ARFGEF3: variants seen among roughly 807,000 people sequenced by gnomAD.
ARFGEF3 encodes ARFGEF family member 3.
A neutral mutation model predicts 221.7 loss-of-function variants in ARFGEF3; 96 were observed. That is an observed-to-expected ratio of 0.43 (90% CI 0.37 to 0.51). The LOEUF is 0.51. ARFGEF3 is among the 20% of genes least tolerant of loss of function. ARFGEF3 has a pLI of 0.00. For synonymous variants in ARFGEF3, 1,145 were observed against 1,126.8 expected, an observed-to-expected ratio of 1.02 and a Z score of -0.32; for missense variants, 2,410 against 2,789.9, an observed-to-expected ratio of 0.86 and a Z score of 3.07.
intron 17 of ARFGEF3, among the ~76,000 whole-genome samples, chr6:138,288,672 G>A (rs187546699): frequency 2.0e-5 from 3 of 152,178 alleles, no homozygotes; most frequent in African/African-American, 7.2e-5. Context: ...GTAACAGAGT[G>A]AGACACCATC....
chr6:138,222,552 A>T (rs1276932294), intron 4 of ARFGEF3, among the ~76,000 whole-genome samples: 1 of 152,152 alleles, frequency 6.6e-6, no homozygotes, highest in African/African-American at 2.4e-5. Flanking sequence ...GGGTATTGCC[A>T]CTGCCATCTA....
At position 138,334,102 on chromosome 6, in the gene ARFGEF3, A is replaced by C. The variant is rs374961250; in HGVS notation, c.5256A>C (p.Glu1752Asp). 1 of 1,613,996 alleles carries C rather than the reference A, an allele frequency of 6.2e-7. No individual in the cohort carries two copies. Residue 1752 changes from glutamate to aspartate, a missense_variant, in exon 33 of 34, where the codon GAA becomes GAC. By Grantham distance (45) the Glu-to-Asp change is conservative. Coordinates refer to ENST00000251691, the MANE Select transcript of ARFGEF3 (RefSeq NM_020340.5). This position sits in a 1 kb window ranked among gnomAD's most constrained non-coding sequence, Gnocchi z 5.1. ...PGEEKTIQVP[E>D]AKLAGFLRYI... ...AGGAAAAGACGATACAAGTGCCAGA[A>C]GCCAAGCTGGCTGGCTTCCTCAGAT...
intron 22 of ARFGEF3, among the ~76,000 whole-genome samples, chr6:138,300,850 A>G (rs1243066939): frequency 6.6e-6 from 1 of 152,188 alleles, no homozygotes; most frequent in Non-Finnish European, 1.5e-5. Flanking sequence ...ACTTCAAATA[A>G]TCCCAATCCC....
At chr6:138,212,944 T>A (rs1203330479) in intron 4 of ARFGEF3, among the ~76,000 whole-genome samples, 1 of 152,068 alleles carries the variant, frequency 6.6e-6, no homozygotes, top group Non-Finnish European at 1.5e-5. Context: ...CAAACCAACA[T>A]GGCACATGTA....
At chr6:138,268,993 C>T (rs1778946229) in intron 12 of ARFGEF3, among the ~76,000 whole-genome samples, 2 of 152,236 alleles carry the variant, frequency 1.3e-5, no homozygotes, top group African/African-American at 4.8e-5. Flanking sequence ...CTTTATTTCT[C>T]ATCCCAGGGT....
chr6:138,289,678 A>G (rs1779363430), intron 17 of ARFGEF3, 140 bp from the exon 18 acceptor site: 3 of 846,112 alleles, frequency 3.5e-6, no homozygotes, highest in Non-Finnish European at 5.6e-6. Context: ...ATGGTCCGCA[A>G]GGACCTACTG....
chr6:138,278,709 A>C (rs1054506703), intron 13 of ARFGEF3, 92 bp downstream of exon 13: 29 of 1,401,008 alleles, frequency 2.1e-5, no homozygotes, highest in Admixed American at 7.8e-5. Flanking sequence ...GGGATGGCAC[A>C]GCGTGTTTTG....
intron 22 of ARFGEF3, among the ~76,000 whole-genome samples, chr6:138,303,676 G>A (rs1443921836): frequency 2.6e-5 from 4 of 151,704 alleles, no homozygotes; most frequent in Admixed American, 2.0e-4. Context: ...GGTGGCGCAC[G>A]CTGTAGTCCC....
chr6:138,260,329 G>C (rs1383624199), intron 10 of ARFGEF3, among the ~76,000 whole-genome samples: 1 of 152,236 alleles, frequency 6.6e-6, no homozygotes, highest in Non-Finnish European at 1.5e-5. Context: ...ACCTTTTCCT[G>C]CTTTGCTTGG....
At chr6:138,288,843 A>C in intron 17 of ARFGEF3, among the ~76,000 whole-genome samples, 1 of 152,202 alleles carries the variant, frequency 6.6e-6, no homozygotes, top group Non-Finnish European at 1.5e-5. Flanking sequence ...ACCACATGCA[A>C]TGACTTGAAA....
At chr6:138,215,613 TC>T (rs1456685240) in intron 4 of ARFGEF3, among the ~76,000 whole-genome samples, 1 of 152,138 alleles carries the variant, frequency 6.6e-6, no homozygotes, top group African/African-American at 2.4e-5. Context: ...GCCAAGTCTA[TC>T]CTGAGAGGCT....
Position 138,335,152 on chromosome 6 carries a change from CAG to C in ARFGEF3, c.6307_6308del (p.Ser2103CysfsTer71). 1 of 1,579,138 alleles carries C rather than the reference CAG, an allele frequency of 6.3e-7. No homozygotes were observed. Among genetic ancestry groups the C allele is most frequent in the Non-Finnish European group, 8.6e-7 (1 of 1,167,412 alleles). Reference protein sequence around the residue: ...PRSGSTGSSLSVSVRDAEAQI... With the variant: ...PRSGSTGSSLXVSVRDAEAQI... ...GCTCAGGCTCCACCGGGAGCTCCCT[CAG>C]TGTCTCGGTGAGAGACGCAGAAGCA... On this transcript the variant is annotated frameshift_variant, in exon 33 of 34. Coordinates refer to ENST00000251691, the MANE Select transcript of ARFGEF3 (RefSeq NM_020340.5). LOFTEE classifies it high-confidence loss of function.
At chr6:138,273,830 A>C (rs1482686911) in intron 12 of ARFGEF3, among the ~76,000 whole-genome samples, 1 of 152,226 alleles carries the variant, frequency 6.6e-6, no homozygotes, top group African/African-American at 2.4e-5. Flanking sequence ...ATTATTATCA[A>C]TATCACCAGT....
rs1554256975 is a variant in ARFGEF3, at chr6:138,303,887, AAG to A, written c.3829-3364_3829-3363del. The stretch of plus-strand genomic sequence containing the variant: ...AAAAAAAAAAAAAAAAAAAAAAAAA[AAG>A]ATAATAGCAAGTGTTGGTGAGGGAG... On this transcript the variant is annotated intron_variant, in intron 22 of 33. Transcript: ENST00000251691. Among the ~76,000 whole-genome samples the A allele has an allele frequency of 2.1e-4, 31 of 150,278 alleles. 1 individual carries two copies. Among genetic ancestry groups the A allele is most frequent in the African/African-American group, 7.6e-4 (31 of 40,920 alleles).
At chr6:138,286,151 G>C (rs1779284763) in intron 15 of ARFGEF3, 98 bp downstream of exon 15, 2 of 848,244 alleles carry the variant, frequency 2.4e-6, no homozygotes, top group Non-Finnish European at 3.8e-6. Context: ...ATTTTGTCTT[G>C]GTTAGAAAAA....
At chr6:138,216,917 C>G (rs1273719499) in intron 4 of ARFGEF3, 1 of 152,248 alleles carries the variant, frequency 6.6e-6, no homozygotes, top group South Asian at 2.1e-4. Context: ...AGCCTTCCCT[C>G]TTCCTGCTCA....
Position 138,339,121 on chromosome 6 carries a change from A to G in ARFGEF3, c.*2635A>G, listed in dbSNP as rs1384150745. 3.9e-5 allele frequency: 6 copies of G among 152,346 alleles called. No individual in the cohort carries two copies. The highest frequency in any genetic ancestry group is 7.2e-5 in the African/African-American group (3 of 41,466). The allele number at this position is 152,346 out of a possible 1,614,324, so 9.4% of individuals were successfully genotyped here. On this transcript the variant is annotated 3_prime_UTR_variant, in exon 34 of 34. Coordinates refer to ENST00000251691, the MANE Select transcript of ARFGEF3 (RefSeq NM_020340.5). Reference sequence around the variant, plus strand: ...TCCACACTGACATCAGATTTCAACCAGAACCATCACTGAGTGACAGCAGTA... The same window carrying G: ...TCCACACTGACATCAGATTTCAACCGGAACCATCACTGAGTGACAGCAGTA...
chr6:138,210,219 A>G lies in ARFGEF3; in HGVS notation c.351+178A>G, dbSNP rs117405205. ...AAATTACCCTGATGGTTTAACATCA[A>G]AAGGGACAATTTCAATCAATCCTTG... On this transcript the variant is annotated intron_variant, in intron 4 of 33. Transcript: ENST00000251691. 3.8e-3 allele frequency among the ~76,000 whole-genome samples: 584 copies of G among 152,320 alleles called. 16 individuals carry two copies. In the East Asian group the frequency reaches 0.056, roughly 15 times the overall value.
intron 4 of ARFGEF3, among the ~76,000 whole-genome samples, 195 bp downstream of exon 4, chr6:138,210,236 C>G (rs558073952): frequency 1.3e-5 from 2 of 152,302 alleles, no homozygotes; most frequent in Admixed American, 1.3e-4. Context: ...CAATTTCAAT[C>G]AATCCTTGAG....
Sources: allele counts gnomAD v4.1 joint callset (sites outside exome capture counted in the v4.1 genomes callset), GRCh38; gene constraint gnomAD v4.1.1; non-coding constraint Gnocchi (gnomAD v3.1); transcripts MANE v1.5; gene names NCBI Gene and HGNC (gene_info 2026-07-23, HGNC 2026-07-21).